RBM47: variants seen among roughly 807,000 people sequenced by gnomAD.
The protein encoded by RBM47 is RNA-binding protein 47.
In RBM47, 21 loss-of-function variants were observed where a neutral mutation model predicts 47.1. That is an observed-to-expected ratio of 0.45 (90% CI 0.32 to 0.64). The LOEUF (loss-of-function observed/expected upper bound fraction) is 0.64, where lower values mean the gene tolerates loss of function less well. Ranked by LOEUF, RBM47 falls within the 30% of genes least tolerant of loss-of-function variation. RBM47 has a pLI of 0.05. For synonymous variants in RBM47, 375 were observed against 361.7 expected, an observed-to-expected ratio of 1.04 and a Z score of -0.42; for missense variants, 708 against 870.9, an observed-to-expected ratio of 0.81 and a Z score of 2.35.
intron 2 of RBM47, among the ~76,000 whole-genome samples, chr4:40,496,306 C>A (rs1722554364): frequency 6.6e-6 from 1 of 151,016 alleles, no homozygotes; most frequent in Non-Finnish European, 1.5e-5. Flanking sequence ...CTAAACTATT[C>A]TGTATCTTGG....
At chr4:40,545,620 C>T (rs374354857) in intron 1 of RBM47, among the ~76,000 whole-genome samples, 5 of 145,102 alleles carry the variant, frequency 3.4e-5, no homozygotes, top group East Asian at 2.0e-4. Context: ...GCCAAGATCA[C>T]GCGATTGCTC....
chr4:40,551,641 G>C (rs1029388922), intron 1 of RBM47, among the ~76,000 whole-genome samples: 3 of 149,142 alleles, frequency 2.0e-5, no homozygotes, highest in African/African-American at 7.5e-5. Context: ...ATCAAATAGC[G>C]TACTTTTCTT....
At chr4:40,495,514 A>ATC (rs1324553882) in intron 2 of RBM47, among the ~76,000 whole-genome samples, 1 of 152,048 alleles carries the variant, frequency 6.6e-6, no homozygotes, top group Non-Finnish European at 1.5e-5. Flanking sequence ...ATGCAGGAGA[A>ATC]TCTCTTGAAC....
At chr4:40,562,791 T>C (rs1256333123) in intron 1 of RBM47, among the ~76,000 whole-genome samples, 1 of 152,164 alleles carries the variant, frequency 6.6e-6, no homozygotes, top group East Asian at 1.9e-4. Context: ...TGTTTCTGAC[T>C]ACTATTCCCT....
At chr4:40,493,729 G>A (rs2154247436) in intron 2 of RBM47, among the ~76,000 whole-genome samples, 1 of 151,052 alleles carries the variant, frequency 6.6e-6, no homozygotes, top group Non-Finnish European at 1.5e-5. Context: ...TGCAGTGGCT[G>A]GCACTGCACT....
At chr4:40,474,596 C>A (rs1719351831) in intron 2 of RBM47, among the ~76,000 whole-genome samples, 2 of 152,098 alleles carry the variant, frequency 1.3e-5, no homozygotes, top group South Asian at 4.1e-4. Context: ...ACAAATTAGA[C>A]CAAAGTAGAG....
intron 1 of RBM47, among the ~76,000 whole-genome samples, chr4:40,562,626 C>T (rs866213222): frequency 6.6e-6 from 1 of 152,006 alleles, no homozygotes; most frequent in South Asian, 2.1e-4. Context: ...CCACCACGCC[C>T]GGCTAATTTT....
intron 1 of RBM47, among the ~76,000 whole-genome samples, chr4:40,580,219 CTTTT>C (rs551489505): frequency 6.8e-6 from 1 of 147,416 alleles, no homozygotes; most frequent in Non-Finnish European, 1.5e-5. Context: ...TTTCCTCATA[CTTTT>C]TTTTTTTTAA....
chr4:40,459,886 C>T (rs1406227411), intron 3 of RBM47, among the ~76,000 whole-genome samples: 1 of 152,192 alleles, frequency 6.6e-6, no homozygotes, highest in African/African-American at 2.4e-5. Context: ...TCCCGGGTAG[C>T]TGGGATTATA....
chr4:40,476,025 T>G (rs1719559020), intron 2 of RBM47, among the ~76,000 whole-genome samples: 1 of 152,186 alleles, frequency 6.6e-6, no homozygotes, highest in South Asian at 2.1e-4. Flanking sequence ...TAGAGGACAT[T>G]TAACAGAAAT....
intron 5 of RBM47, among the ~76,000 whole-genome samples, chr4:40,435,317 G>A (rs955312760): frequency 3.9e-5 from 6 of 152,202 alleles, no homozygotes; most frequent in Admixed American, 3.3e-4. Flanking sequence ...GGGAGGCTCA[G>A]GCGGGTGGCT....
At position 40,531,654 on chromosome 4, in the gene RBM47, T is replaced by C. The variant is rs549708004; in HGVS notation, c.-155+12768A>G. On this transcript the variant is annotated intron_variant, in intron 2 of 6. Coordinates refer to ENST00000295971, the MANE Select transcript of RBM47 (RefSeq NM_001098634.2). ...CCAGTAATGATGTGTGTTTTTCCTT[T>C]AGGAAAATAAAACTTGTTTATTATG... is the stretch of plus-strand genomic sequence containing the variant. 2.4e-3 allele frequency among the ~76,000 whole-genome samples: 362 copies of C among 152,282 alleles called. 2 individuals are homozygous for C. Among genetic ancestry groups the C allele is most frequent in the African/African-American group, 8.5e-3 (352 of 41,542 alleles).
At chr4:40,532,975 G>A (rs766424047) in intron 2 of RBM47, among the ~76,000 whole-genome samples, 9 of 152,082 alleles carry the variant, frequency 5.9e-5, no homozygotes, top group Non-Finnish European at 7.4e-5. Context: ...TAGTTCATGG[G>A]ACAGGATATG....
intron 2 of RBM47, among the ~76,000 whole-genome samples, chr4:40,532,877 T>C (rs1036361972): frequency 1.3e-5 from 2 of 152,134 alleles, no homozygotes; most frequent in Non-Finnish European, 2.9e-5. Flanking sequence ...TACCAGTAGC[T>C]TATAGCCTCT....
chr4:40,625,529 T>G (rs1737662371), intron 1 of RBM47, among the ~76,000 whole-genome samples: 1 of 152,300 alleles, frequency 6.6e-6, no homozygotes, highest in South Asian at 2.1e-4. Context: ...GTACATATAC[T>G]TAACTCTTGC....
intron 2 of RBM47, among the ~76,000 whole-genome samples, chr4:40,481,931 G>A (rs1002048088): frequency 5.3e-5 from 8 of 151,750 alleles, no homozygotes; most frequent in Non-Finnish European, 5.9e-5. Flanking sequence ...GCGATCCACC[G>A]GCCTCAACCT....
chr4:40,606,863 T>C (rs1245331703), intron 1 of RBM47, among the ~76,000 whole-genome samples: 1 of 151,972 alleles, frequency 6.6e-6, no homozygotes, highest in Non-Finnish European at 1.5e-5. Flanking sequence ...CAAAAATAAG[T>C]TAGCCAGGCG....
chr4:40,437,010 C>T (rs989697852), intron 4 of RBM47: 5 of 331,288 alleles, frequency 1.5e-5, no homozygotes, highest in Admixed American at 1.3e-4. Flanking sequence ...GAGGCTGAGG[C>T]GAGAGGATGG....
At chr4:40,551,129 CTGAGAG>C (rs1359574298) in intron 1 of RBM47, among the ~76,000 whole-genome samples, 4 of 152,086 alleles carry the variant, frequency 2.6e-5, no homozygotes, top group Non-Finnish European at 4.4e-5. Flanking sequence ...GTCAAGGTAA[CTGAGAG>C]TGAATGTTCT....
Sources: allele counts gnomAD v4.1 joint callset (sites outside exome capture counted in the v4.1 genomes callset), GRCh38; gene constraint gnomAD v4.1.1; transcripts MANE v1.5; gene names NCBI Gene and HGNC (gene_info 2026-07-23, HGNC 2026-07-21).